The following SNX29 variants were observed in gnomAD, a reference collection of about 807,000 sequenced individuals.
The protein encoded by SNX29 is sorting nexin-29.
Under a neutral mutation model 102.1 loss-of-function variants are expected in SNX29, and 78 were observed. The observed-to-expected ratio is 0.76, with a 90% CI of 0.64 to 0.92. SNX29 has a LOEUF of 0.92. Ranked by LOEUF, SNX29 falls within the 40% of genes least tolerant of loss-of-function variation. The pLI is 0.00. For synonymous variants in SNX29, 580 were observed against 414.5 expected (o/e 1.40, Z -4.85); for missense variants, 1,280 against 1,061.7 (o/e 1.21, Z -2.86).
At chr16:11,992,035 C>A (rs2055874152) in intron 1 of SNX29, among the ~76,000 whole-genome samples, 1 of 152,170 alleles carries the variant, frequency 6.6e-6, no homozygotes, top group African/African-American at 2.4e-5. Flanking sequence ...TAGCTCACAC[C>A]TGTAACCTCA....
chr16:12,552,381 C>G (rs1028384477), intron 20 of SNX29, among the ~76,000 whole-genome samples: 1 of 152,226 alleles, frequency 6.6e-6, no homozygotes, highest in African/African-American at 2.4e-5. Flanking sequence ...AGACAGCAAG[C>G]ATGGTACCTG....
chr16:12,059,490 G>T (rs911269319), intron 8 of SNX29, among the ~76,000 whole-genome samples: 11 of 152,220 alleles, frequency 7.2e-5, no homozygotes, highest in Admixed American at 4.6e-4. Context: ...TGTGGTATGG[G>T]CATGGTTGAA....
intron 13 of SNX29, among the ~76,000 whole-genome samples, chr16:12,166,493 C>G (rs796197514): frequency 6.6e-6 from 1 of 152,122 alleles, no homozygotes; most frequent in Non-Finnish European, 1.5e-5. Flanking sequence ...AGCAGGAAGG[C>G]GGGGGGCATA....
At position 12,370,718 on chromosome 16, in the gene SNX29, T is replaced by C. The variant is rs113666239; in HGVS notation, c.1899+14439T>C. ...GAAATGAGTTTATATAATCTCCTAG[T>C]AAAAGTCAATGCTGTTTCGCTGTGT... On this transcript the variant is annotated intron_variant, in intron 16 of 20. Transcript: ENST00000566228. 5.0e-3 allele frequency among the ~76,000 whole-genome samples: 759 copies of C among 152,336 alleles called. 6 individuals are homozygous for C. The highest frequency in any genetic ancestry group is 0.018 in the African/African-American group (735 of 41,578).
chr16:12,212,291 C>G (rs1270592087), intron 14 of SNX29, among the ~76,000 whole-genome samples: 1 of 152,166 alleles, frequency 6.6e-6, no homozygotes, highest in Non-Finnish European at 1.5e-5. Flanking sequence ...GTGGGAGGGA[C>G]TCGGAAGTGG....
chr16:12,143,000 A>ATTT (rs59548851), intron 13 of SNX29, among the ~76,000 whole-genome samples: 3 of 141,578 alleles, frequency 2.1e-5, no homozygotes, highest in African/African-American at 7.7e-5. Context: ...AGCAAAGAAA[A>ATTT]TTTTTTTTTT....
chr16:12,391,619 G>A (rs1332043593), intron 16 of SNX29, among the ~76,000 whole-genome samples: 2 of 151,768 alleles, frequency 1.3e-5, no homozygotes, highest in South Asian at 2.1e-4. Context: ...CCATCTATGC[G>A]TGCATCCATC....
intron 18 of SNX29, among the ~76,000 whole-genome samples, chr16:12,455,152 C>A (rs922380128): frequency 6.6e-6 from 1 of 152,146 alleles, no homozygotes; most frequent in South Asian, 2.1e-4. Context: ...ACAAAGGTTT[C>A]CTCCTCCTTC....
chr16:12,571,814 C>A lies in SNX29; in HGVS notation c.*3185C>A. 2 of 1,031,940 alleles carry A rather than the reference C, an allele frequency of 1.9e-6. No individual in the cohort carries two copies. Among genetic ancestry groups the A allele is most frequent in the South Asian group, 4.7e-5 (1 of 21,364 alleles). The allele number at this position is 1,031,940 out of a possible 1,614,324, so 63.9% of individuals were successfully genotyped here. A position where few individuals can be genotyped will look rare whatever the true frequency, so the allele number is the denominator to read the frequency against. On this transcript the variant is annotated 3_prime_UTR_variant, in exon 21 of 21. Coordinates refer to ENST00000566228, the MANE Select transcript of SNX29 (RefSeq NM_032167.5). Reference sequence around the variant, plus strand: ...TCCTGCAATCAGTGTGAAATTCCAGCTTCTTTGATTCCCACTTAGCAGTAT... The same window carrying A: ...TCCTGCAATCAGTGTGAAATTCCAGATTCTTTGATTCCCACTTAGCAGTAT...
At chr16:12,226,326 T>G (rs2077610101) in intron 14 of SNX29, among the ~76,000 whole-genome samples, 1 of 152,208 alleles carries the variant, frequency 6.6e-6, no homozygotes, top group South Asian at 2.1e-4. Context: ...GAGAATGTTC[T>G]TATGATTTTT....
At chr16:12,179,392 A>G (rs962901714) in intron 13 of SNX29, among the ~76,000 whole-genome samples, 25 of 152,336 alleles carry the variant, frequency 1.6e-4, no homozygotes, top group Admixed American at 1.6e-3. Flanking sequence ...GGCCGAGGCA[A>G]GAGGATCGCC....
intron 14 of SNX29, among the ~76,000 whole-genome samples, chr16:12,239,701 TCC>T (rs1201246352): frequency 6.9e-6 from 1 of 143,920 alleles, no homozygotes; most frequent in Non-Finnish European, 1.5e-5. Flanking sequence ...CACAATGTGG[TCC>T]CAGCTACTCG....
intron 14 of SNX29, among the ~76,000 whole-genome samples, chr16:12,265,698 C>CAAA (rs67651482): frequency 3.3e-5 from 2 of 60,662 alleles, no homozygotes; most frequent in East Asian, 6.2e-4. Flanking sequence ...TCAACTCTAC[C>CAAA]AAAAAAAAAA....
At chr16:12,307,272 G>A (rs2080367021) in intron 15 of SNX29, among the ~76,000 whole-genome samples, 1 of 152,188 alleles carries the variant, frequency 6.6e-6, no homozygotes, top group Non-Finnish European at 1.5e-5. Flanking sequence ...ATATGATCAC[G>A]AGGATGAATG....
chr16:12,078,707 C>T (rs2051709921), intron 10 of SNX29, 126 bp from the exon 11 acceptor site: 1 of 786,618 alleles, frequency 1.3e-6, no homozygotes. Flanking sequence ...GACTAATTTC[C>T]AATGACTGCC....
intron 20 of SNX29, among the ~76,000 whole-genome samples, chr16:12,559,835 C>T (rs1399736829): frequency 2.0e-5 from 3 of 152,152 alleles, no homozygotes; most frequent in Non-Finnish European, 4.4e-5. Context: ...CTCTGGCATT[C>T]TAATGCCAGA....
intron 16 of SNX29, among the ~76,000 whole-genome samples, chr16:12,368,937 A>C (rs1363310449): frequency 1.3e-5 from 2 of 152,150 alleles, no homozygotes; most frequent in Non-Finnish European, 2.9e-5. Flanking sequence ...ATATGGATTC[A>C]TCAAAATCCT....
intron 14 of SNX29, among the ~76,000 whole-genome samples, chr16:12,274,451 A>G (rs1335970523): frequency 6.6e-6 from 1 of 151,622 alleles, no homozygotes; most frequent in Non-Finnish European, 1.5e-5. Context: ...TCTGAATTAT[A>G]TCTTTGATTT....
At chr16:12,151,690 C>G (rs1024343668) in intron 13 of SNX29, among the ~76,000 whole-genome samples, 1 of 152,268 alleles carries the variant, frequency 6.6e-6, no homozygotes, top group Non-Finnish European at 1.5e-5. Context: ...TTTACATTTT[C>G]TCACACAACC....
Sources: allele counts gnomAD v4.1 joint callset (sites outside exome capture counted in the v4.1 genomes callset), GRCh38; gene constraint gnomAD v4.1.1; transcripts MANE v1.5; gene names NCBI Gene and HGNC (gene_info 2026-07-23, HGNC 2026-07-21).